MEF2C: variants seen among roughly 807,000 people sequenced by gnomAD.
The protein encoded by MEF2C is myocyte-specific enhancer factor 2C.
In MEF2C, 6 loss-of-function variants were observed where a neutral mutation model predicts 50.5. The observed-to-expected ratio is 0.12, with a 90% CI of 0.07 to 0.23. The LOEUF (loss-of-function observed/expected upper bound fraction) is 0.23, where lower values mean the gene tolerates loss of function less well. MEF2C is among the 10% of genes least tolerant of loss of function. The probability of loss-of-function intolerance (pLI) is 1.00; values close to 1 mark genes in which losing one functional copy is unlikely to be tolerated. For synonymous variants in MEF2C, 183 were observed against 228.0 expected (o/e 0.80, Z 1.78); for missense variants, 276 against 605.0 (o/e 0.46, Z 5.70).
intron 3 of MEF2C, chr5:88,771,563 G>T (rs1561933746): frequency 1.0e-6 from 1 of 985,282 alleles, no homozygotes; most frequent in Non-Finnish European, 1.2e-6. Context: ...ACCAGGTAGT[G>T]AGTTCTGTGA....
At chr5:88,795,705 C>T (rs898263575) in intron 3 of MEF2C, among the ~76,000 whole-genome samples, 1 of 152,128 alleles carries the variant, frequency 6.6e-6, no homozygotes, top group Non-Finnish European at 1.5e-5. Flanking sequence ...GAGAGGGCCT[C>T]CCTGTCTTGT....
intron 3 of MEF2C, chr5:88,785,687 T>G (rs924943933): frequency 6.6e-6 from 1 of 152,256 alleles, no homozygotes; most frequent in South Asian, 2.1e-4. Flanking sequence ...ACGACGTACA[T>G]TATTTTACAA....
At chr5:88,809,266 G>A (rs1231886260) in intron 2 of MEF2C, among the ~76,000 whole-genome samples, 1 of 151,894 alleles carries the variant, frequency 6.6e-6, no homozygotes, top group African/African-American at 2.4e-5. Context: ...TTGAAATTGA[G>A]AAAAGAAACA....
chr5:88,734,395 G>T (rs1762975912), intron 6 of MEF2C: 4 of 985,156 alleles, frequency 4.1e-6, no homozygotes, highest in Non-Finnish European at 4.8e-6. Context: ...GAATAGATCA[G>T]AAGAAACTAA....
At chr5:88,774,946 C>T (rs766270598) in intron 3 of MEF2C, among the ~76,000 whole-genome samples, 3 of 152,192 alleles carry the variant, frequency 2.0e-5, no homozygotes, top group Non-Finnish European at 2.9e-5. Context: ...CCACTGTGTG[C>T]CTGCCTCTGT....
chr5:88,738,394 T>C (rs1343342285), intron 6 of MEF2C: 1 of 983,670 alleles, frequency 1.0e-6, no homozygotes, highest in Non-Finnish European at 1.2e-6. Context: ...AAGTGCTAGA[T>C]ATTGTACATG....
chr5:88,742,500 G>T, intron 6 of MEF2C: 1 of 978,666 alleles, frequency 1.0e-6, no homozygotes, highest in Non-Finnish European at 1.2e-6. Context: ...GTACTTTACT[G>T]TAGATATAGA....
intron 2 of MEF2C, among the ~76,000 whole-genome samples, chr5:88,809,156 C>T (rs1384200346): frequency 1.3e-5 from 2 of 151,646 alleles, no homozygotes; most frequent in African/African-American, 4.9e-5. Context: ...TTATAGTGGC[C>T]CTGACTTTTA....
intron 1 of MEF2C, among the ~76,000 whole-genome samples, chr5:88,865,336 T>C (rs145578605): frequency 6.6e-6 from 1 of 152,322 alleles, no homozygotes; most frequent in Non-Finnish European, 1.5e-5. Flanking sequence ...TTACAGCCCA[T>C]AGTTTTCTAA....
intron 1 of MEF2C, among the ~76,000 whole-genome samples, chr5:88,837,608 G>A (rs1025224612): frequency 6.6e-6 from 1 of 151,820 alleles, no homozygotes; most frequent in African/African-American, 2.4e-5. Context: ...GTTCCTAAAT[G>A]GTATGCATTC....
In MEF2C at chr5:88,761,327, G is replaced by T; in HGVS notation, c.260C>A (p.Thr87Lys). ...GCCATTAAGGCCCTTCTTTCTCAAC[G>T]TCTGAAATACATAATTTGGAAAGTT... ...ESRTNSDIVE[T>K]LRKKGLNGCD... is the part of the protein sequence containing the mutation. The change falls in exon 4 of 11, where the codon ACG becomes AAG. Residue 87 changes from threonine (T) to lysine (K), a missense_variant and splice_region_variant. Physicochemically the swap from Thr to Lys is moderately conservative, Grantham distance 78. Transcript: ENST00000504921. The T allele has an allele frequency of 6.2e-7, 1 of 1,610,372 alleles. No homozygotes were observed. Among genetic ancestry groups the T allele is most frequent in the Non-Finnish European group, 8.5e-7 (1 of 1,178,364 alleles).
At chr5:88,892,952 A>T (rs1274397506) in intron 1 of MEF2C, among the ~76,000 whole-genome samples, 5 of 152,188 alleles carry the variant, frequency 3.3e-5, no homozygotes, top group African/African-American at 1.2e-4. Context: ...TGCCTAATGG[A>T]GCGTTCTGTT....
intron 3 of MEF2C, among the ~76,000 whole-genome samples, chr5:88,783,308 C>T (rs139560007): frequency 1.3e-5 from 2 of 152,222 alleles, no homozygotes; most frequent in East Asian, 3.9e-4. Context: ...GTATTATTAA[C>T]CTCTATTTAC....
rs767668302 is a variant in MEF2C, at chr5:88,761,254, A to C, written c.333T>G (p.Pro111=). Residue 111 remains proline, a synonymous_variant, in exon 4 of 11, where the codon CCT becomes CCG. Transcript: ENST00000504921. ...TTTTCCTGTACTTGTCCTCAGACTC[A>C]GGGCTGTGACCTACGGAATCGTCCG... ...PDADDSVGHS[P]ESEDKYRKIN... is the part of the protein sequence containing the mutation. 1 of 1,614,046 alleles carries C rather than the reference A, an allele frequency of 6.2e-7. No homozygotes were observed. The highest frequency in any genetic ancestry group is 8.5e-7 in the Non-Finnish European group (1 of 1,179,894).
chr5:88,844,194 C>A (rs966180091), intron 1 of MEF2C, among the ~76,000 whole-genome samples: 15 of 152,258 alleles, frequency 9.9e-5, no homozygotes, highest in Admixed American at 2.0e-4. Context: ...TCAATTGGAC[C>A]TTAATCTCAG....
intron 6 of MEF2C, among the ~76,000 whole-genome samples, chr5:88,745,915 A>G (rs951816972): frequency 1.2e-4 from 18 of 152,198 alleles, no homozygotes; most frequent in Non-Finnish European, 2.2e-4. Context: ...TAATCTGTAG[A>G]AAGGGCATAA....
intron 3 of MEF2C, among the ~76,000 whole-genome samples, chr5:88,778,925 G>A (rs1001502310): frequency 1.6e-4 from 25 of 152,240 alleles, no homozygotes; most frequent in African/African-American, 6.0e-4. Context: ...TGACTCAGCG[G>A]AGAAAATGCC....
intron 2 of MEF2C, among the ~76,000 whole-genome samples, chr5:88,810,821 T>G (rs530744471): frequency 1.3e-5 from 2 of 152,226 alleles, no homozygotes; most frequent in African/African-American, 4.8e-5. Flanking sequence ...CAGATCTGCA[T>G]GCAACGTAAA....
chr5:88,819,454 C>A (rs1262692205), intron 2 of MEF2C: 7 of 888,604 alleles, frequency 7.9e-6, no homozygotes, highest in Non-Finnish European at 9.4e-6. Context: ...TACAGTCATA[C>A]ACCAGGCTTA....
Sources: gnomAD v4.1 joint callset for allele counts (sites outside exome capture counted in the v4.1 genomes callset) on GRCh38, gnomAD v4.1.1 for gene constraint, MANE v1.5 for transcripts, NCBI Gene and HGNC (gene_info 2026-07-23, HGNC 2026-07-21) for gene names.